DENND1A: variants seen among roughly 807,000 people sequenced by gnomAD.
DENND1A encodes DENN domain-containing protein 1A.
Under a neutral mutation model 113.7 loss-of-function variants are expected in DENND1A, and 51 were observed. The observed-to-expected ratio is 0.45, with a 90% confidence interval of 0.36 to 0.57. The LOEUF (loss-of-function observed/expected upper bound fraction) is 0.57. DENND1A is among the 20% of genes least tolerant of loss of function. DENND1A has a pLI of 0.00. For missense variants in DENND1A, 1,258 were observed against 1,395.9 expected, an observed-to-expected ratio of 0.90 and a Z score of 1.57; for synonymous variants, 565 against 570.8, an observed-to-expected ratio of 0.99 and a Z score of 0.14.
At chr9:123,558,688 TG>T (rs1192987118) in intron 12 of DENND1A, among the ~76,000 whole-genome samples, 4 of 152,208 alleles carry the variant, frequency 2.6e-5, no homozygotes, top group Admixed American at 6.5e-5. Flanking sequence ...AAAGACTGTG[TG>T]ACATGGTGGC....
chr9:123,424,623 G>T (rs2045573488), intron 19 of DENND1A, among the ~76,000 whole-genome samples: 1 of 152,142 alleles, frequency 6.6e-6, no homozygotes, highest in Non-Finnish European at 1.5e-5. Context: ...GGCACCTATG[G>T]GATAAAATTC....
At chr9:123,665,997 T>C (rs945777676) in intron 8 of DENND1A, among the ~76,000 whole-genome samples, 4 of 152,208 alleles carry the variant, frequency 2.6e-5, no homozygotes, top group Admixed American at 6.5e-5. Flanking sequence ...AAGTACTATA[T>C]GGAGAGCAGT....
At chr9:123,415,733 G>A (rs1178895827) in intron 19 of DENND1A, among the ~76,000 whole-genome samples, 4 of 152,190 alleles carry the variant, frequency 2.6e-5, no homozygotes, top group Non-Finnish European at 5.9e-5. Context: ...GGCCAGTCAC[G>A]AGGGCCCTGC....
chr9:123,901,653 T>A (rs564303472), intron 1 of DENND1A, among the ~76,000 whole-genome samples: 2 of 152,180 alleles, frequency 1.3e-5, no homozygotes, highest in African/African-American at 2.4e-5. Context: ...AGAGTCCTCA[T>A]CATGTGGTTG....
At chr9:123,523,443 A>C (rs1363761589) in intron 13 of DENND1A, among the ~76,000 whole-genome samples, 1 of 152,258 alleles carries the variant, frequency 6.6e-6, no homozygotes, top group Non-Finnish European at 1.5e-5. Flanking sequence ...AATACGTTAC[A>C]GAGTTAGAGA....
At chr9:123,841,698 A>T (rs549909928) in intron 2 of DENND1A, among the ~76,000 whole-genome samples, 1 of 152,238 alleles carries the variant, frequency 6.6e-6, no homozygotes, top group East Asian at 1.9e-4. Flanking sequence ...ACCTGAAGGA[A>T]TTGGTGCAGG....
At chr9:123,526,352 C>T (rs898343660) in intron 13 of DENND1A, among the ~76,000 whole-genome samples, 1 of 152,208 alleles carries the variant, frequency 6.6e-6, no homozygotes, top group African/African-American at 2.4e-5. Flanking sequence ...CGCCATACCC[C>T]TTCCATCCCA....
At chr9:123,421,888 C>T (rs12156581) in intron 19 of DENND1A, among the ~76,000 whole-genome samples, 2,028 of 152,298 alleles carry the variant, frequency 0.013, 28 homozygotes, top group Non-Finnish European at 0.02. Context: ...GCCCTGCCCC[C>T]GATAAACCCC....
intron 2 of DENND1A, among the ~76,000 whole-genome samples, chr9:123,814,998 T>C (rs1778892): frequency 0.087 from 13,209 of 152,260 alleles, 983 homozygotes; most frequent in African/African-American, 0.2. Context: ...TTAAAGGAAT[T>C]CCTAATGCTG....
At chr9:123,384,540 C>T (rs187134328) in intron 22 of DENND1A, among the ~76,000 whole-genome samples, 2 of 152,304 alleles carry the variant, frequency 1.3e-5, no homozygotes, top group South Asian at 2.1e-4. Flanking sequence ...ATGCGGTGCC[C>T]GGCACACAGC....
At chr9:123,745,730 C>A (rs1302810020) in intron 5 of DENND1A, among the ~76,000 whole-genome samples, 1 of 152,168 alleles carries the variant, frequency 6.6e-6, no homozygotes, top group Non-Finnish European at 1.5e-5. Context: ...CAAATGGCCA[C>A]CTACAGTTAC....
intron 19 of DENND1A, chr9:123,413,281 A>G: frequency 2.2e-6 from 1 of 457,104 alleles, no homozygotes; most frequent in South Asian, 9.4e-5. Flanking sequence ...TAATTTTTAG[A>G]TTGATTACAT....
intron 5 of DENND1A, among the ~76,000 whole-genome samples, chr9:123,688,916 T>C (rs2064995320): frequency 6.6e-6 from 1 of 152,162 alleles, no homozygotes; most frequent in Non-Finnish European, 1.5e-5. Flanking sequence ...CTCCCTCAAA[T>C]TAAGGCTGTA....
intron 3 of DENND1A, among the ~76,000 whole-genome samples, chr9:123,775,830 T>C (rs1346668370): frequency 1.3e-5 from 2 of 152,192 alleles, no homozygotes; most frequent in Non-Finnish European, 2.9e-5. Flanking sequence ...TCACTCCTTT[T>C]ACAACACACG....
At chr9:123,719,297 T>C (rs544417829) in intron 5 of DENND1A, among the ~76,000 whole-genome samples, 1 of 152,318 alleles carries the variant, frequency 6.6e-6, no homozygotes, top group East Asian at 1.9e-4. Flanking sequence ...CCTTGCTCAG[T>C]ATCACAAACA....
intron 2 of DENND1A, among the ~76,000 whole-genome samples, chr9:123,795,485 A>G (rs919834709): frequency 2.6e-5 from 4 of 152,220 alleles, no homozygotes; most frequent in Non-Finnish European, 4.4e-5. Context: ...AGCATGGCAC[A>G]TGTACAAAAC....
chr9:123,399,355 C>A (rs890854873), intron 21 of DENND1A, among the ~76,000 whole-genome samples: 4 of 152,166 alleles, frequency 2.6e-5, no homozygotes, highest in Non-Finnish European at 5.9e-5. Context: ...TACCACCTAC[C>A]TTTGACAATC....
At chr9:123,671,494 AGG>A in intron 6 of DENND1A, 123 bp from the exon 7 acceptor site, 1 of 880,068 alleles carries the variant, frequency 1.1e-6, no homozygotes, top group Non-Finnish European at 1.8e-6. Context: ...GTACAGAAAT[AGG>A]TTTGATATTC....
intron 12 of DENND1A, among the ~76,000 whole-genome samples, chr9:123,561,382 C>T (rs916462748): frequency 6.6e-6 from 1 of 152,204 alleles, no homozygotes; most frequent in Non-Finnish European, 1.5e-5. Flanking sequence ...TCCTGATGCC[C>T]CTGTGACCAC....
Sources: allele counts gnomAD v4.1 joint callset (sites outside exome capture counted in the v4.1 genomes callset), GRCh38; gene constraint gnomAD v4.1.1; transcripts MANE v1.5; gene names NCBI Gene and HGNC (gene_info 2026-07-23, HGNC 2026-07-21).